FARS2: variants seen among roughly 807,000 people sequenced by gnomAD.
FARS2 encodes phenylalanine--tRNA ligase, mitochondrial.
Under a neutral mutation model 46.4 loss-of-function variants are expected in FARS2, and 40 were observed. The ratio of observed to expected loss-of-function variants is 0.86; its 90% CI spans 0.67 to 1.12. The LOEUF is 1.12. FARS2 is among the 50% of genes most tolerant of loss of function. The pLI is 0.00. For synonymous variants in FARS2, 234 were observed against 214.9 expected, an observed-to-expected ratio of 1.09 and a Z score of -0.78; for missense variants, 513 against 567.9, an observed-to-expected ratio of 0.90 and a Z score of 0.98.
chr6:5,327,145 A>G (rs1770450273), intron 1 of FARS2, among the ~76,000 whole-genome samples: 2 of 152,212 alleles, frequency 1.3e-5, no homozygotes, highest in Non-Finnish European at 2.9e-5. Context: ...TTTTGGCTGA[A>G]TCAGCCTTCC....
At chr6:5,431,217 C>T in intron 4 of FARS2, 45 bp downstream of exon 4, 2 of 1,603,190 alleles carry the variant, frequency 1.2e-6, no homozygotes, top group Non-Finnish European at 1.7e-6. Context: ...TCTAAAGGAA[C>T]CCTCCCTTCT....
chr6:5,720,019 C>G (rs994003866), intron 6 of FARS2, among the ~76,000 whole-genome samples: 8 of 151,904 alleles, frequency 5.3e-5, no homozygotes, highest in African/African-American at 1.9e-4. Context: ...CTGTGCTTTC[C>G]TATTAAAAAC....
At chr6:5,466,917 G>A (rs2150312474) in intron 4 of FARS2, 1 of 985,416 alleles carries the variant, frequency 1.0e-6, no homozygotes, top group South Asian at 4.7e-5. Context: ...TCGGCCTTAT[G>A]CTGCAGTGAC....
At chr6:5,476,454 T>C (rs560220757) in intron 4 of FARS2, among the ~76,000 whole-genome samples, 1 of 152,316 alleles carries the variant, frequency 6.6e-6, no homozygotes, top group African/African-American at 2.4e-5. Flanking sequence ...GGACAGGAAC[T>C]TACCTGTCTT....
chr6:5,460,194 G>A (rs1200050953), intron 4 of FARS2, among the ~76,000 whole-genome samples: 2 of 152,084 alleles, frequency 1.3e-5, no homozygotes, highest in African/African-American at 2.4e-5. Flanking sequence ...TTTCAATAAT[G>A]CAAACACATA....
chr6:5,263,401 T>A (rs1045171373), intron 1 of FARS2, among the ~76,000 whole-genome samples: 8 of 152,252 alleles, frequency 5.3e-5, no homozygotes, highest in African/African-American at 1.9e-4. Flanking sequence ...TAAAAATACC[T>A]TATTATTTTA....
chr6:5,641,565 A>G (rs892924901), intron 6 of FARS2, among the ~76,000 whole-genome samples: 3 of 152,156 alleles, frequency 2.0e-5, no homozygotes, highest in East Asian at 1.9e-4. Flanking sequence ...ACAAAGTGCT[A>G]GGATTACAGG....
the FARS2 span, among the ~76,000 whole-genome samples, chr6:5,250,713 T>C: frequency 2.1e-5 from 3 of 141,036 alleles, no homozygotes; most frequent in African/African-American, 8.5e-5. Context: ...GTAATATAAA[T>C]TCAGAACAAA....
rs1443151748 is a variant in FARS2 at position 5,473,533 on chromosome 6, CAAAAAAAAAAACAA to C, written c.904+42372_904+42385del. 4.5e-3 allele frequency among the ~76,000 whole-genome samples: 368 copies of C among 82,162 alleles called. 1 individual carries two copies. The highest frequency in any genetic ancestry group is 0.013 in the African/African-American group (349 of 26,362). 53.9% of individuals were successfully genotyped at this position (82,162 alleles called of 152,430 possible). ...CAGAGCGAGACTCTGTCTCAAAAAACAAAAAAAAAAACAAAAAAAAAAAACAAAAGAATACCCTG... is the reference window on the plus strand; with the variant it reads ...CAGAGCGAGACTCTGTCTCAAAAAACAAAAAAAAAACAAAAGAATACCCTG... On this transcript the variant is annotated intron_variant, in intron 4 of 6. Transcript: ENST00000274680.
Position 5,398,063 on chromosome 6 carries a change from A to G in FARS2, c.613-6479A>G, listed in dbSNP as rs940559635. The stretch of plus-strand genomic sequence containing the variant: ...TGGTGGTGATATGTTAACTCTGATC[A>G]CTCGGTAAATGTGGCATCCATTAGG... On this transcript the variant is annotated intron_variant, in intron 2 of 6. Coordinates refer to ENST00000274680, the MANE Select transcript of FARS2 (RefSeq NM_006567.5). 5.8e-4 allele frequency among the ~76,000 whole-genome samples: 88 copies of G among 152,104 alleles called. 1 individual carries two copies. Among genetic ancestry groups the G allele is most frequent in the African/African-American group, 2.0e-3 (83 of 41,402 alleles).
chr6:5,658,711 A>G (rs750174772), intron 6 of FARS2, among the ~76,000 whole-genome samples: 2 of 152,214 alleles, frequency 1.3e-5, no homozygotes, highest in Non-Finnish European at 2.9e-5. Flanking sequence ...AGCAAAATGT[A>G]TGACTGGATT....
chr6:5,666,249 G>A (rs1316897920), intron 6 of FARS2, among the ~76,000 whole-genome samples: 1 of 152,126 alleles, frequency 6.6e-6, no homozygotes, highest in African/African-American at 2.4e-5. Flanking sequence ...CTAACTAAAA[G>A]AAACATAAGT....
intron 4 of FARS2, among the ~76,000 whole-genome samples, chr6:5,498,185 T>A (rs1023919562): frequency 3.3e-5 from 5 of 152,152 alleles, no homozygotes; most frequent in Admixed American, 1.3e-4. Flanking sequence ...ATGATTAAAA[T>A]TTTTTTTCAT....
In FARS2 at chr6:5,701,878, A is replaced by G. The variant is rs536559958; in HGVS notation, c.1218-69413A>G. 2.6e-5 allele frequency among the ~76,000 whole-genome samples: 4 copies of G among 152,278 alleles called. No individual in the cohort carries two copies. In the East Asian group the frequency reaches 7.7e-4, roughly 29 times the overall value. Reference sequence around the variant, plus strand: ...ATGTGGTTGAGTCGTGATGCTTTTCATTACTCATTTTTATTAACATATACG... The same window carrying G: ...ATGTGGTTGAGTCGTGATGCTTTTCGTTACTCATTTTTATTAACATATACG... On this transcript the variant is annotated intron_variant, in intron 6 of 6. Transcript: ENST00000274680.
intron 6 of FARS2, among the ~76,000 whole-genome samples, chr6:5,668,980 G>T (rs1460661840): frequency 6.6e-6 from 1 of 152,086 alleles, no homozygotes; most frequent in Non-Finnish European, 1.5e-5. Context: ...ACAGGCATGA[G>T]CCACCACACC....
intron 1 of FARS2, among the ~76,000 whole-genome samples, chr6:5,263,812 C>G (rs1025691130): frequency 5.9e-5 from 9 of 152,172 alleles, no homozygotes; most frequent in African/African-American, 1.9e-4. Flanking sequence ...AGAAATTTCT[C>G]TAATCATAAT....
At chr6:5,472,308 G>A (rs1335694430) in intron 4 of FARS2, among the ~76,000 whole-genome samples, 2 of 152,192 alleles carry the variant, frequency 1.3e-5, no homozygotes, top group East Asian at 1.9e-4. Context: ...GTCATGGATC[G>A]CTGAAGGCAG....
intron 6 of FARS2, among the ~76,000 whole-genome samples, chr6:5,725,945 A>C (rs1486428586): frequency 6.6e-6 from 1 of 152,104 alleles, no homozygotes; most frequent in Admixed American, 6.5e-5. Flanking sequence ...TAAATAAATA[A>C]ATAAGGGTAA....
chr6:5,320,111 C>T (rs1381369392), intron 1 of FARS2, among the ~76,000 whole-genome samples: 10 of 152,168 alleles, frequency 6.6e-5, no homozygotes, highest in Admixed American at 3.9e-4. Flanking sequence ...AAATGTCCAT[C>T]GTGACTCTAA....
Sources: gnomAD v4.1 joint callset for allele counts (sites outside exome capture counted in the v4.1 genomes callset) on GRCh38, gnomAD v4.1.1 for gene constraint, MANE v1.5 for transcripts, NCBI Gene and HGNC (gene_info 2026-07-23, HGNC 2026-07-21) for gene names.